Variants in AP2A2 observed in about 807,000 individuals in gnomAD.
The protein encoded by AP2A2 is adaptor related protein complex 2 subunit alpha 2.
A neutral mutation model predicts 104.2 loss-of-function variants in AP2A2; 32 were observed. The ratio of observed to expected loss-of-function variants is 0.31; its 90% CI spans 0.23 to 0.41. The LOEUF (loss-of-function observed/expected upper bound fraction) is 0.41, where lower values mean the gene tolerates loss of function less well. AP2A2 is among the 10% of genes least tolerant of loss of function. The probability of loss-of-function intolerance (pLI) is 1.00; values close to 1 mark genes in which losing one functional copy is unlikely to be tolerated. For synonymous variants in AP2A2, 539 were observed against 533.3 expected (o/e 1.01, Z -0.15); for missense variants, 912 against 1,261.0 (o/e 0.72, Z 4.19).
At chr11:937,538 G>GT (rs1243609982) in intron 1 of AP2A2, among the ~76,000 whole-genome samples, 2 of 152,204 alleles carry the variant, frequency 1.3e-5, no homozygotes, top group Non-Finnish European at 2.9e-5. Flanking sequence ...AGCCTAGGAG[G>GT]TTGAGGCTGC....
chr11:963,069 G>A (rs1854494207), intron 2 of AP2A2, among the ~76,000 whole-genome samples: 1 of 152,036 alleles, frequency 6.6e-6, no homozygotes, highest in Non-Finnish European at 1.5e-5. Context: ...GTAAAAAGGA[G>A]CAAATGAAAT....
chr11:930,169 C>T (rs1261784890), intron 1 of AP2A2, among the ~76,000 whole-genome samples: 2 of 149,188 alleles, frequency 1.3e-5, no homozygotes, highest in Admixed American at 6.7e-5. Flanking sequence ...TCTGAGGTAG[C>T]GGACAGGGAG....
At chr11:950,576 T>G (rs1294211926) in intron 1 of AP2A2, among the ~76,000 whole-genome samples, 1 of 152,034 alleles carries the variant, frequency 6.6e-6, no homozygotes. Context: ...TGTGAGCCAC[T>G]GTGCCCGGTC....
At chr11:927,454 G>A (rs1853155553) in intron 1 of AP2A2, among the ~76,000 whole-genome samples, 1 of 151,114 alleles carries the variant, frequency 6.6e-6, no homozygotes, top group Non-Finnish European at 1.5e-5. Context: ...GAGGATAGTG[G>A]TTCTCCCACA....
chr11:981,444 G>C (rs1855237469), intron 6 of AP2A2, 145 bp downstream of exon 6: 1 of 670,274 alleles, frequency 1.5e-6, no homozygotes. Flanking sequence ...CAGCCTTCTT[G>C]TTGAGAACTG....
chr11:1,003,599 C>A, intron 15 of AP2A2, 123 bp from the exon 16 acceptor site: 2 of 566,694 alleles, frequency 3.5e-6, no homozygotes, highest in Non-Finnish European at 6.2e-6. Context: ...CCACTTTTTT[C>A]TTCCCTTGTG....
chr11:1,009,572 C>A (rs112140962), intron 20 of AP2A2, 111 bp from the exon 21 acceptor site: 2 of 1,012,112 alleles, frequency 2.0e-6, no homozygotes, highest in South Asian at 3.4e-5. Flanking sequence ...GGGGCGGCCC[C>A]GGGGGACACG....
chr11:925,941 G>A lies in AP2A2; in HGVS notation c.-81G>A, dbSNP rs1213152637. ...CCGGCGGCTCCTCCGCGGCGGTGACGGCGACCGCACTCCCCGCTTCCCGCT... is the reference window on the plus strand; with the variant it reads ...CCGGCGGCTCCTCCGCGGCGGTGACAGCGACCGCACTCCCCGCTTCCCGCT... On this transcript the variant is annotated 5_prime_UTR_variant, in exon 1 of 22. Coordinates refer to ENST00000448903, the MANE Select transcript of AP2A2 (RefSeq NM_012305.4). 4.4e-6 allele frequency: 5 copies of A among 1,128,842 alleles called. No individual in the cohort carries two copies. The highest frequency in any genetic ancestry group is 4.7e-6 in the Non-Finnish European group (4 of 860,042). 69.9% of individuals were successfully genotyped at this position (1,128,842 alleles called of 1,614,324 possible). A position where few individuals can be genotyped will look rare whatever the true frequency, so the allele number is the denominator to read the frequency against.
chr11:960,569 G>T (rs1316171539), intron 2 of AP2A2, among the ~76,000 whole-genome samples: 1 of 152,112 alleles, frequency 6.6e-6, no homozygotes, highest in Admixed American at 6.5e-5. Context: ...GTAGAGACGG[G>T]GTTTCTCCAT....
chr11:958,195 C>A (rs779444882), intron 1 of AP2A2, among the ~76,000 whole-genome samples: 1 of 152,196 alleles, frequency 6.6e-6, no homozygotes. Context: ...CATAAGCATG[C>A]GTCAAAGAAA....
Position 992,531 on chromosome 11 carries a change from A to T in AP2A2, c.1298A>T (p.Lys433Met). The T allele has an allele frequency of 6.2e-7, 1 of 1,606,366 alleles. No individual in the cohort carries two copies. ...CTGAAGGTCGCCATCCTGGCTGAGA[A>T]GTACGCGGTGGACTACACCTGGTAT... The part of the protein sequence containing the change: ...IVLKVAILAE[K>M]YAVDYTWYVD... The change falls in exon 11 of 22, where the codon AAG (lysine) becomes ATG (methionine). Residue 433 changes from lysine to methionine, a missense_variant. Around this residue, in one of 7 missense-constraint regions of AP2A2, gnomAD observed 350 missense variants for 487.0 expected, o/e 0.72. Coordinates refer to ENST00000448903, the MANE Select transcript of AP2A2 (RefSeq NM_012305.4). This position sits in a 1 kb window ranked among gnomAD's most constrained non-coding sequence, Gnocchi z 6.4.
intron 1 of AP2A2, among the ~76,000 whole-genome samples, chr11:951,130 T>C (rs1336972844): frequency 1.3e-5 from 2 of 151,678 alleles, no homozygotes; most frequent in Admixed American, 1.3e-4. Flanking sequence ...AAATATATAT[T>C]TCTTCCAAAT....
chr11:971,408 G>C lies in AP2A2; in HGVS notation c.280-654G>C, dbSNP rs73408962. On this transcript the variant is annotated intron_variant, in intron 3 of 21. Coordinates refer to ENST00000448903, the MANE Select transcript of AP2A2 (RefSeq NM_012305.4). ...GGCAGTGGTGTTTGGCAGGGCGGGA[G>C]CTCCCTCGTGGCGTCTTCCTGGGAG... Among the ~76,000 whole-genome samples, 1,264 of 152,308 alleles carry C rather than the reference G, an allele frequency of 8.3e-3. 16 individuals carry two copies. The highest frequency in any genetic ancestry group is 0.029 in the African/African-American group (1,220 of 41,564).
chr11:997,008 C>T (rs886670117), intron 14 of AP2A2, among the ~76,000 whole-genome samples: 2 of 151,978 alleles, frequency 1.3e-5, no homozygotes, highest in African/African-American at 2.4e-5. Context: ...CCATTGCTCA[C>T]GGGAGCCCCA....
intron 2 of AP2A2, among the ~76,000 whole-genome samples, chr11:963,645 C>T (rs1012129570): frequency 6.6e-6 from 1 of 152,170 alleles, no homozygotes; most frequent in African/African-American, 2.4e-5. Context: ...TATTGATTTA[C>T]TGAGACAAGA....
intron 4 of AP2A2, among the ~76,000 whole-genome samples, chr11:975,284 T>C (rs1854983383): frequency 6.6e-6 from 1 of 151,272 alleles, no homozygotes; most frequent in African/African-American, 2.4e-5. Flanking sequence ...ATCCCTCGTG[T>C]GAGCCGACAT....
At chr11:995,478 C>T (rs1032495182) in intron 14 of AP2A2, 19 of 454,760 alleles carry the variant, frequency 4.2e-5, no homozygotes, top group African/African-American at 2.8e-4. Flanking sequence ...CTCTCCAGGA[C>T]GCAGGTCCAG....
At chr11:991,293 G>A (rs1197753777) in intron 10 of AP2A2, among the ~76,000 whole-genome samples, 1 of 152,264 alleles carries the variant, frequency 6.6e-6, no homozygotes, top group African/African-American at 2.4e-5. Flanking sequence ...CCATGGAGGG[G>A]GACGGATTGA....
chr11:963,502 A>G lies in AP2A2; in HGVS notation c.136+3997A>G, dbSNP rs1184349201. 3.9e-5 allele frequency among the ~76,000 whole-genome samples: 6 copies of G among 152,088 alleles called. No homozygotes were observed. The East Asian group carries it at 1.2e-3, about 29-fold the overall frequency. On this transcript the variant is annotated intron_variant, in intron 2 of 21. Coordinates refer to ENST00000448903, the MANE Select transcript of AP2A2 (RefSeq NM_012305.4). ...CTTTGAAGTCTGGTGTGTGTGTCACACTTAAGAGTGAGTCTCACTTTGTAC... is the reference window on the plus strand; with the variant it reads ...CTTTGAAGTCTGGTGTGTGTGTCACGCTTAAGAGTGAGTCTCACTTTGTAC...
Sources: gnomAD v4.1 joint callset for allele counts (sites outside exome capture counted in the v4.1 genomes callset) on GRCh38, gnomAD v4.1.1 for gene constraint, gnomAD v4.1.1 regional missense constraint, Gnocchi (gnomAD v3.1) non-coding constraint, MANE v1.5 for transcripts, NCBI Gene and HGNC (gene_info 2026-07-23, HGNC 2026-07-21) for gene names.